C1QTNF4: variants seen among roughly 807,000 people sequenced by gnomAD.
The protein encoded by C1QTNF4 is C1q and TNF related 4.
C1QTNF4 carries 12 observed loss-of-function variants against 14.6 expected under a neutral mutation model. That is an observed-to-expected ratio of 0.82 (90% CI 0.53 to 1.33). The LOEUF is 1.33. Ranked by LOEUF, C1QTNF4 falls within the 40% of genes most tolerant of loss-of-function variation. C1QTNF4 has a pLI of 0.00. For missense variants in C1QTNF4, 558 were observed against 500.3 expected, an observed-to-expected ratio of 1.12 and a Z score of -1.10; for synonymous variants, 278 against 246.6, an observed-to-expected ratio of 1.13 and a Z score of -1.19.
At chr11:47,592,067 C>T (rs891667708) in intron 1 of C1QTNF4, among the ~76,000 whole-genome samples, 1 of 152,190 alleles carries the variant, frequency 6.6e-6, no homozygotes, top group Non-Finnish European at 1.5e-5. Context: ...GAGGTAGCTT[C>T]CTCCCCCTTG....
chr11:47,592,493 C>T (rs1226416743), intron 1 of C1QTNF4, among the ~76,000 whole-genome samples: 2 of 152,132 alleles, frequency 1.3e-5, no homozygotes, highest in Admixed American at 1.3e-4. Flanking sequence ...TGGTCCAGTT[C>T]TTGACGTAAG....
Position 47,589,778 on chromosome 11 carries a change from A to G in C1QTNF4, c.*43T>C, listed in dbSNP as rs770018413. ...TTTCGAGCCTCCGGCCCGGCCTGGC[A>G]TGCACGCCCCTGGCCCTCCCGGGCT... On this transcript the variant is annotated 3_prime_UTR_variant, in exon 2 of 2. Transcript: ENST00000302514. The G allele has an allele frequency of 6.9e-6, 10 of 1,444,248 alleles. No homozygotes were observed. The highest frequency in any genetic ancestry group is 9.1e-6 in the Non-Finnish European group (10 of 1,096,426). The allele number at this position is 1,444,248 out of a possible 1,614,324, so 89.5% of individuals were successfully genotyped here.
Position 47,590,197 on chromosome 11 carries a change from G to A in C1QTNF4, c.614C>T (p.Thr205Ile), listed in dbSNP as rs2097274471. The A allele has an allele frequency of 6.3e-7, 1 of 1,588,188 alleles. No individual in the cohort carries two copies. ...GPRHQPLAFD[T>I]EFVNIGGDFD... is the part of the protein sequence containing the mutation. The stretch of plus-strand genomic sequence containing the variant: ...GTCGCCGCCAATGTTGACGAACTCG[G>A]TGTCGAAGGCGAGTGGTTGGTGCCG... Residue 205 changes from threonine to isoleucine, a missense_variant, in exon 2 of 2, where the codon ACC becomes ATC. Thr to Ile is a moderately conservative substitution (Grantham distance 89, BLOSUM62 -1). Transcript: ENST00000302514.
At chr11:47,595,179 C>T (rs1293238543), upstream of C1QTNF4, among the ~76,000 whole-genome samples, 1 of 152,250 alleles carries the variant, frequency 6.6e-6, no homozygotes, top group African/African-American at 2.4e-5. Context: ...GGCACTAGTG[C>T]TGGCCTCTAC....
At position 47,589,982 on chromosome 11, in the gene C1QTNF4, C is replaced by T. The variant is rs2153795950; in HGVS notation, c.829G>A (p.Ala277Thr). ...CAGACGGCGTCGCCGCGCCGCAGGGCCAGCATCACGCTCTGGCTCTGCATC... is the reference window on the plus strand; with the variant it reads ...CAGACGGCGTCGCCGCGCCGCAGGGTCAGCATCACGCTCTGGCTCTGCATC... Reference protein sequence around the residue: ...REMQSQSVMLALRRGDAVWLL... With the variant: ...REMQSQSVMLTLRRGDAVWLL... The change falls in exon 2 of 2, where the codon GCC becomes ACC. Residue 277 changes from alanine to threonine, a missense_variant. Transcript: ENST00000302514. 4 of 1,611,592 alleles carry T rather than the reference C, an allele frequency of 2.5e-6. No individual in the cohort carries two copies. Among genetic ancestry groups the T allele is most frequent in the East Asian group, 2.2e-5 (1 of 44,760 alleles).
At chr11:47,594,117 C>T (rs1340504938) in intron 1 of C1QTNF4, 31 bp downstream of exon 1, 1 of 152,178 alleles carries the variant, frequency 6.6e-6, no homozygotes, top group Non-Finnish European at 1.5e-5. Context: ...GGGGGAACCT[C>T]GGCTCCCTGC....
rs748080430 is a variant in C1QTNF4 at position 47,590,228 on chromosome 11, C to G, written c.583G>C (p.Gly195Arg). The change falls in exon 2 of 2, where the codon GGG becomes CGG. Residue 195 changes from glycine (G) to arginine (R), a missense_variant. Coordinates refer to ENST00000302514, the MANE Select transcript of C1QTNF4 (RefSeq NM_031909.3). Reference sequence around the variant, plus strand: ...AAGGCGAGTGGTTGGTGCCGCGGCCCGGGGCCAGCGTCCGAGCCCACCAAG... The same window carrying G: ...AAGGCGAGTGGTTGGTGCCGCGGCCGGGGGCCAGCGTCCGAGCCCACCAAG... ...RSLVGSDAGP[G>R]PRHQPLAFDT... is the part of the protein sequence containing the mutation. 29 of 1,529,296 alleles carry G rather than the reference C, an allele frequency of 1.9e-5. No individual in the cohort carries two copies. The highest frequency in any genetic ancestry group is 2.5e-5 in the South Asian group (2 of 80,016). The allele number at this position is 1,529,296 out of a possible 1,614,324, so 94.7% of individuals were successfully genotyped here.
chr11:47,591,673 C>T (rs1472511442), intron 1 of C1QTNF4, among the ~76,000 whole-genome samples: 1 of 152,218 alleles, frequency 6.6e-6, no homozygotes, highest in African/African-American at 2.4e-5. Context: ...CAGGCGTGAG[C>T]CACCGCGCCC....
intron 1 of C1QTNF4, among the ~76,000 whole-genome samples, chr11:47,591,875 G>A (rs1461758446): frequency 6.6e-6 from 1 of 152,162 alleles, no homozygotes; most frequent in Admixed American, 6.5e-5. Flanking sequence ...ATTTTCCTGT[G>A]GTTATTTTAT....
At position 47,589,930 on chromosome 11, in the gene C1QTNF4, T is replaced by C; in HGVS notation, c.881A>G (p.Tyr294Cys). The C allele has an allele frequency of 1.2e-6, 2 of 1,606,570 alleles. No individual in the cohort carries two copies. Among genetic ancestry groups the C allele is most frequent in the Non-Finnish European group, 1.7e-6 (2 of 1,176,526 alleles). ...CTTGCCGTGGTTGCTGTAGGCGCCG[T>C]AGCCGTCGTGGTCGTGGCTGAGCAG... ...VWLLSHDHDGYGAYSNHGKYI... is the reference protein window; with the variant it reads ...VWLLSHDHDGCGAYSNHGKYI... Residue 294 changes from tyrosine (Y) to cysteine (C), a missense_variant, in exon 2 of 2, where the codon TAC becomes TGC. By Grantham distance (194) the Tyr-to-Cys change is radical. Coordinates refer to ENST00000302514, the MANE Select transcript of C1QTNF4 (RefSeq NM_031909.3).
chr11:47,590,050 A>C lies in C1QTNF4; in HGVS notation c.761T>G (p.Val254Gly). Residue 254 changes from valine (V) to glycine (G), a missense_variant, in exon 2 of 2, where the codon GTG becomes GGG. Val to Gly is a moderately radical substitution (Grantham distance 109). Coordinates refer to ENST00000302514, the MANE Select transcript of C1QTNF4 (RefSeq NM_031909.3). ...GCCGTCGTCGTAAATCATGGCCTGCACCTCGTCGCGGTTCTTCATCAGCTT... is the reference window on the plus strand; with the variant it reads ...GCCGTCGTCGTAAATCATGGCCTGCCCCTCGTCGCGGTTCTTCATCAGCTT... ...SVKLMKNRDE[V>G]QAMIYDDGAS... 6.2e-7 allele frequency: 1 copy of C among 1,612,654 alleles called. No individual in the cohort carries two copies. Among genetic ancestry groups the C allele is most frequent in the Admixed American group, 1.7e-5 (1 of 59,966 alleles).
chr11:47,589,838 C>T lies in C1QTNF4; in HGVS notation c.973G>A (p.Ala325Thr). The T allele has an allele frequency of 1.3e-6, 2 of 1,543,960 alleles. No individual in the cohort carries two copies. The highest frequency in any genetic ancestry group is 1.8e-6 in the Non-Finnish European group (2 of 1,142,794). The change falls in exon 2 of 2, where the codon GCC becomes ACC. Residue 325 changes from alanine to threonine, a missense_variant. Physicochemically the swap from Ala to Thr is moderately conservative, Grantham distance 58. Coordinates refer to ENST00000302514, the MANE Select transcript of C1QTNF4 (RefSeq NM_031909.3). Reference sequence around the variant, plus strand: ...CCCGGGGCTCACAGTAGCTCCGAGGCCCCGAGGCCCGGCGGGGCGGCGGGG... The same window carrying T: ...CCCGGGGCTCACAGTAGCTCCGAGGTCCCGAGGCCCGGCGGGGCGGCGGGG... ...LAPAAPPGLG[A>T]SELL
At chr11:47,594,883 C>T (rs528346887), upstream of C1QTNF4, among the ~76,000 whole-genome samples, 15 of 152,156 alleles carry the variant, frequency 9.9e-5, no homozygotes, top group South Asian at 3.1e-3. Flanking sequence ...AAAATGCCCA[C>T]GGTCGGTTAG....
At chr11:47,594,650 C>G (rs910826080), upstream of C1QTNF4, 1 of 152,442 alleles carries the variant, frequency 6.6e-6, no homozygotes, top group African/African-American at 2.4e-5. Context: ...TACAGTCCAG[C>G]TTCCTTCCTA....
Position 47,590,264 on chromosome 11 carries a change from G to A in C1QTNF4, c.547C>T (p.Arg183Cys). 7.2e-7 allele frequency: 1 copy of A among 1,383,916 alleles called. No individual in the cohort carries two copies. Among genetic ancestry groups the A allele is most frequent in the Non-Finnish European group, 9.3e-7 (1 of 1,075,332 alleles). The allele number at this position is 1,383,916 out of a possible 1,614,324, so 85.7% of individuals were successfully genotyped here. ...TCCGAGCCCACCAAGCTGCGCGTGCGCGCCGCCGAGAAGGCCGAGCGCGGC... is the reference window on the plus strand; with the variant it reads ...TCCGAGCCCACCAAGCTGCGCGTGCACGCCGCCGAGAAGGCCGAGCGCGGC... ...PEPRSAFSAA[R>C]TRSLVGSDAG... is the part of the protein sequence containing the mutation. The change falls in exon 2 of 2, where the codon CGC becomes TGC. Residue 183 changes from arginine to cysteine, a missense_variant. Coordinates refer to ENST00000302514, the MANE Select transcript of C1QTNF4 (RefSeq NM_031909.3).
chr11:47,589,801 G>A lies in C1QTNF4; in HGVS notation c.*20C>T, dbSNP rs770576018. 6 of 1,495,892 alleles carry A rather than the reference G, an allele frequency of 4.0e-6. No individual in the cohort carries two copies. Among genetic ancestry groups the A allele is most frequent in the East Asian group, 2.5e-5 (1 of 40,090 alleles). The allele number at this position is 1,495,892 out of a possible 1,614,324, so 92.7% of individuals were successfully genotyped here. A position where few individuals can be genotyped will look rare whatever the true frequency, so the allele number is the denominator to read the frequency against. On this transcript the variant is annotated 3_prime_UTR_variant, in exon 2 of 2. Transcript: ENST00000302514. ...GCATGCACGCCCCTGGCCCTCCCGG[G>A]CTCTTCTCTGGCCCGGGGCTCACAG...
upstream of C1QTNF4, chr11:47,594,513 C>G (rs958926885): frequency 2.0e-5 from 3 of 152,528 alleles, no homozygotes; most frequent in Non-Finnish European, 4.4e-5. Flanking sequence ...GAGCACTGGA[C>G]CCTTCCTCAT....
chr11:47,589,891 G>GA lies in C1QTNF4; in HGVS notation c.919dup (p.Ser307PhefsTer?). ...GAGGTCGGGGTACACCAGGAAGCCG[G>GA]AGAAGGTGATGTACTTGCCGTGGTT... is the stretch of plus-strand genomic sequence containing the variant. On this transcript the variant is annotated frameshift_variant, in exon 2 of 2. Transcript: ENST00000302514. LOFTEE classifies it low-confidence loss of function (END_TRUNC). 1 of 1,571,462 alleles carries GA rather than the reference G, an allele frequency of 6.4e-7. No individual in the cohort carries two copies. Among genetic ancestry groups the GA allele is most frequent in the East Asian group, 2.4e-5 (1 of 41,652 alleles).
At position 47,590,020 on chromosome 11, in the gene C1QTNF4, G is replaced by C. The variant is rs778312961; in HGVS notation, c.791C>G (p.Ser264Trp). 6.2e-7 allele frequency: 1 copy of C among 1,611,886 alleles called. No individual in the cohort carries two copies. Among genetic ancestry groups the C allele is most frequent in the Non-Finnish European group, 8.5e-7 (1 of 1,178,610 alleles). The change falls in exon 2 of 2, where the codon TCG (serine) becomes TGG (tryptophan). Residue 264 changes from serine to tryptophan, a missense_variant. By Grantham distance (177) the Ser-to-Trp change is radical. Coordinates refer to ENST00000302514, the MANE Select transcript of C1QTNF4 (RefSeq NM_031909.3). ...CTGGCTCTGCATCTCGCGGCGCCGC[G>C]ACGCGCCGTCGTCGTAAATCATGGC... The part of the protein sequence containing the change: ...VQAMIYDDGA[S>W]RRREMQSQSV...
Sources: allele counts gnomAD v4.1 joint callset (sites outside exome capture counted in the v4.1 genomes callset), GRCh38; gene constraint gnomAD v4.1.1; transcripts MANE v1.5; gene names NCBI Gene and HGNC (gene_info 2026-07-23, HGNC 2026-07-21).